Variants in CNTNAP2 observed in about 807,000 individuals in gnomAD.
CNTNAP2 encodes the protein contactin associated protein 2.
A neutral mutation model predicts 155.2 loss-of-function variants in CNTNAP2; 98 were observed. The observed-to-expected ratio is 0.63, with a 90% CI of 0.54 to 0.75. The LOEUF is 0.75. Ranked by LOEUF, CNTNAP2 falls within the 30% of genes least tolerant of loss-of-function variation. CNTNAP2 has a pLI of 0.00. For synonymous variants in CNTNAP2, 651 were observed against 631.2 expected, an observed-to-expected ratio of 1.03 and a Z score of -0.47; for missense variants, 1,727 against 1,688.1, an observed-to-expected ratio of 1.02 and a Z score of -0.40.
chr7:148,025,237 T>C (rs369946844), intron 15 of CNTNAP2, among the ~76,000 whole-genome samples: 45 of 152,222 alleles, frequency 3.0e-4, no homozygotes, highest in African/African-American at 9.9e-4. Context: ...GATTGGGCTT[T>C]GAGGTATTTT....
chr7:147,128,515 C>G (rs553534833), intron 6 of CNTNAP2, among the ~76,000 whole-genome samples, 178 bp from the exon 7 acceptor site: 1 of 152,086 alleles, frequency 6.6e-6, no homozygotes, highest in East Asian at 1.9e-4. Flanking sequence ...ATGAATGACT[C>G]CATTAGACAC....
At chr7:146,805,912 A>G (rs907686507) in intron 2 of CNTNAP2, among the ~76,000 whole-genome samples, 1 of 152,192 alleles carries the variant, frequency 6.6e-6, no homozygotes, top group Non-Finnish European at 1.5e-5. Flanking sequence ...TAAAGAAACC[A>G]TAGCTGGCCA....
chr7:148,274,046 C>A (rs4726941), intron 21 of CNTNAP2, among the ~76,000 whole-genome samples: 33,712 of 151,872 alleles, frequency 0.22, 3,933 homozygotes, highest in Non-Finnish European at 0.27. Context: ...ATATTTCTGG[C>A]CAGAGTTATG....
chr7:147,032,386 A>G (rs1799052367), intron 3 of CNTNAP2, among the ~76,000 whole-genome samples: 1 of 152,234 alleles, frequency 6.6e-6, no homozygotes. Context: ...TCAATATGAT[A>G]CATGACCAAT....
chr7:146,348,283 G>A (rs538734830), intron 1 of CNTNAP2, among the ~76,000 whole-genome samples: 34 of 152,194 alleles, frequency 2.2e-4, no homozygotes, highest in African/African-American at 8.0e-4. Context: ...AAATTAGCTG[G>A]GCATGGTGGC....
intron 20 of CNTNAP2, among the ~76,000 whole-genome samples, chr7:148,248,047 A>C (rs1796303474): frequency 6.6e-6 from 1 of 152,126 alleles, no homozygotes; most frequent in Non-Finnish European, 1.5e-5. Flanking sequence ...ACAGACGTGC[A>C]CACCCATGTA....
At chr7:147,969,422 G>A (rs188126236) in intron 14 of CNTNAP2, among the ~76,000 whole-genome samples, 81 of 152,190 alleles carry the variant, frequency 5.3e-4, no homozygotes, top group South Asian at 2.3e-3. Flanking sequence ...CAAAGTTCAC[G>A]TTAGTTATGT....
intron 21 of CNTNAP2, among the ~76,000 whole-genome samples, chr7:148,274,585 C>A (rs1327993412): frequency 6.6e-6 from 1 of 152,102 alleles, no homozygotes; most frequent in African/African-American, 2.4e-5. Flanking sequence ...GTAGCACCTC[C>A]CCCCAACACT....
chr7:147,983,445 A>T (rs1801567910), intron 15 of CNTNAP2, among the ~76,000 whole-genome samples: 1 of 129,158 alleles, frequency 7.7e-6, no homozygotes, highest in South Asian at 3.0e-4. Context: ...AAAAAAAAAT[A>T]AAAATAAAAA....
Position 147,360,300 on chromosome 7 carries a change from C to A in CNTNAP2, c.1499-35309C>A, listed in dbSNP as rs192974751. Reference sequence around the variant, plus strand: ...GTCTATATCTTGGTATATAAATAATCATTGAATTTTTATGATATTTCAGTA... The same window carrying A: ...GTCTATATCTTGGTATATAAATAATAATTGAATTTTTATGATATTTCAGTA... On this transcript the variant is annotated intron_variant, in intron 9 of 23. Transcript: ENST00000361727. Among the ~76,000 whole-genome samples, 486 of 152,096 alleles carry A rather than the reference C, an allele frequency of 3.2e-3. 1 individual carries two copies. The highest frequency in any genetic ancestry group is 6.1e-3 in the Non-Finnish European group (417 of 67,994).
chr7:147,445,378 G>A (rs1487296162), intron 10 of CNTNAP2, among the ~76,000 whole-genome samples: 3 of 152,184 alleles, frequency 2.0e-5, no homozygotes, highest in Non-Finnish European at 2.9e-5. Flanking sequence ...TTTACAGGTA[G>A]GATTCACTTG....
At chr7:147,824,148 C>G (rs1409169010) in intron 13 of CNTNAP2, among the ~76,000 whole-genome samples, 1 of 152,144 alleles carries the variant, frequency 6.6e-6, no homozygotes, top group Admixed American at 6.6e-5. Flanking sequence ...CTTGGTGAAG[C>G]CTTCAGAGGT....
chr7:146,976,832 C>T (rs77718476), intron 3 of CNTNAP2, among the ~76,000 whole-genome samples: 6,017 of 152,256 alleles, frequency 0.04, 144 homozygotes, highest in Middle Eastern at 0.085. Context: ...TCTGCTCTGT[C>T]GATTCTTCTT....
At chr7:147,794,058 A>C (rs1204141791) in intron 13 of CNTNAP2, among the ~76,000 whole-genome samples, 1 of 151,924 alleles carries the variant, frequency 6.6e-6, no homozygotes, top group East Asian at 1.9e-4. Flanking sequence ...TTTTTAGTGG[A>C]TTCCTTATGA....
At chr7:147,049,006 A>G (rs1799419489) in intron 4 of CNTNAP2, among the ~76,000 whole-genome samples, 1 of 152,198 alleles carries the variant, frequency 6.6e-6, no homozygotes, top group Admixed American at 6.5e-5. Flanking sequence ...AGACTGGGTA[A>G]TCTAGAAAGA....
At chr7:147,664,644 C>T (rs1332295319) in intron 13 of CNTNAP2, among the ~76,000 whole-genome samples, 1 of 152,264 alleles carries the variant, frequency 6.6e-6, no homozygotes, top group African/African-American at 2.4e-5. Context: ...TCCTTTTCTT[C>T]TTTTATTCCT....
chr7:146,208,816 T>A (rs908694873), intron 1 of CNTNAP2: 8 of 151,684 alleles, frequency 5.3e-5, no homozygotes, highest in African/African-American at 2.0e-4. Flanking sequence ...TACAGGAATT[T>A]CAAACTTCAG....
At chr7:147,646,880 A>C (rs1795373985) in intron 13 of CNTNAP2, among the ~76,000 whole-genome samples, 1 of 152,204 alleles carries the variant, frequency 6.6e-6, no homozygotes, top group Admixed American at 6.5e-5. Context: ...ATGCCTTCTT[A>C]AGATGACTCA....
At chr7:147,274,904 C>T (rs1804861070) in intron 8 of CNTNAP2, among the ~76,000 whole-genome samples, 2 of 151,984 alleles carry the variant, frequency 1.3e-5, no homozygotes, top group Admixed American at 1.3e-4. Flanking sequence ...CCAATTTTCT[C>T]AACACCATTT....
Sources: gnomAD v4.1 joint callset for allele counts (sites outside exome capture counted in the v4.1 genomes callset) on GRCh38, gnomAD v4.1.1 for gene constraint, MANE v1.5 for transcripts, NCBI Gene and HGNC (gene_info 2026-07-23, HGNC 2026-07-21) for gene names.